CA2: variants seen among roughly 807,000 people sequenced by gnomAD.
CA2 encodes carbonic anhydrase 2, also known as carbonate dehydratase II.
In CA2, 23 loss-of-function variants were observed where a neutral mutation model predicts 27.8. The observed-to-expected ratio is 0.83, with a 90% CI of 0.59 to 1.17. The LOEUF is 1.17. Among genes scored for constraint, CA2 ranks in the 50% most tolerant of loss-of-function variants. The probability of loss-of-function intolerance (pLI) is 0.00; values close to 1 mark genes in which losing one functional copy is unlikely to be tolerated. For synonymous variants in CA2, 99 were observed against 114.9 expected, an observed-to-expected ratio of 0.86 and a Z score of 0.88; for missense variants, 300 against 314.7, an observed-to-expected ratio of 0.95 and a Z score of 0.35.
chr8:85,467,915 G>C lies in CA2; in HGVS notation c.232+2446G>C, dbSNP rs531139312. On this transcript the variant is annotated intron_variant, in intron 2 of 6. Transcript: ENST00000285379. ...TAGAGACACATGTATTATCCACCTAGTTCTACAAAAAAGTCATTATTAACA... is the reference window on the plus strand; with the variant it reads ...TAGAGACACATGTATTATCCACCTACTTCTACAAAAAAGTCATTATTAACA... 1.4e-4 allele frequency among the ~76,000 whole-genome samples: 22 copies of C among 152,278 alleles called. 1 individual carries two copies. In the South Asian group the frequency reaches 3.1e-3, roughly 21 times the overall value.
At chr8:85,468,800 A>AC (rs3070373) in intron 2 of CA2, among the ~76,000 whole-genome samples, 4 of 151,268 alleles carry the variant, frequency 2.6e-5, no homozygotes, top group African/African-American at 7.3e-5. Context: ...ACACACACAC[A>AC]AAACCATGTG....
intron 6 of CA2, among the ~76,000 whole-genome samples, chr8:85,477,516 A>G (rs1384682266): frequency 2.0e-5 from 3 of 151,048 alleles, no homozygotes; most frequent in Non-Finnish European, 4.4e-5. Context: ...GGATTCAATG[A>G]GAAAGATGTC....
At chr8:85,470,944 A>T (rs1178829404) in intron 2 of CA2, among the ~76,000 whole-genome samples, 1 of 152,174 alleles carries the variant, frequency 6.6e-6, no homozygotes, top group Non-Finnish European at 1.5e-5. Context: ...TTTACAGAGA[A>T]AAAATAGGCA....
intron 5 of CA2, among the ~76,000 whole-genome samples, chr8:85,476,149 G>T (rs1194834243): frequency 6.6e-6 from 1 of 152,124 alleles, no homozygotes; most frequent in Non-Finnish European, 1.5e-5. Flanking sequence ...GAGGTTCAAA[G>T]GTCCTCTAGT....
intron 2 of CA2, 127 bp from the exon 3 acceptor site, chr8:85,473,566 C>T (rs1811740174): frequency 1.4e-6 from 1 of 701,810 alleles, no homozygotes; most frequent in South Asian, 1.5e-5. Context: ...TACTGTAAAA[C>T]AGAATTAAGA....
chr8:85,478,383 C>T (rs2130566185), intron 6 of CA2, among the ~76,000 whole-genome samples: 1 of 152,252 alleles, frequency 6.6e-6, no homozygotes, highest in Non-Finnish European at 1.5e-5. Context: ...GTAGTAATAA[C>T]ATATTTGAGT....
intron 2 of CA2, among the ~76,000 whole-genome samples, chr8:85,466,612 A>G (rs2130546264): frequency 6.6e-6 from 1 of 152,128 alleles, no homozygotes; most frequent in African/African-American, 2.4e-5. Context: ...ATCATCTGAG[A>G]AATGTTTTCA....
At position 85,480,904 on chromosome 8, in the gene CA2, C is replaced by G. The variant is rs919729440; in HGVS notation, c.*115C>G. The G allele has an allele frequency of 3.9e-6, 4 of 1,031,848 alleles. No individual in the cohort carries two copies. The highest frequency in any genetic ancestry group is 5.9e-6 in the Non-Finnish European group (4 of 672,398). The allele number at this position is 1,031,848 out of a possible 1,614,324, so 63.9% of individuals were successfully genotyped here. ...TTGCTTTGTGTCTAGTTTTCTAGAC[C>G]CTTCATCTCTTACTTGATAGACTTA... On this transcript the variant is annotated 3_prime_UTR_variant, in exon 7 of 7. Coordinates refer to ENST00000285379, the MANE Select transcript of CA2 (RefSeq NM_000067.3).
At chr8:85,480,001 T>C (rs1052086357) in intron 6 of CA2, among the ~76,000 whole-genome samples, 3 of 152,144 alleles carry the variant, frequency 2.0e-5, no homozygotes, top group Non-Finnish European at 4.4e-5. Context: ...AAGCTTTAAT[T>C]TGGAACTAAA....
At chr8:85,468,767 C>T (rs1274950061) in intron 2 of CA2, among the ~76,000 whole-genome samples, 2 of 149,894 alleles carry the variant, frequency 1.3e-5, no homozygotes, top group African/African-American at 5.0e-5. Context: ...TCAAAACAAA[C>T]AAACAAACAA....
chr8:85,479,551 G>A (rs1008555669), intron 6 of CA2, among the ~76,000 whole-genome samples: 3 of 152,062 alleles, frequency 2.0e-5, no homozygotes, highest in Admixed American at 1.3e-4. Flanking sequence ...TTTGGATCAC[G>A]TCTTGGTTAG....
At chr8:85,473,918 C>G in intron 3 of CA2, 107 bp downstream of exon 3, 1 of 769,192 alleles carries the variant, frequency 1.3e-6, no homozygotes, top group Admixed American at 1.9e-5. Flanking sequence ...CCCAGTGAAC[C>G]ACTTCTTTTA....
chr8:85,464,238 G>A (rs1020698239), intron 1 of CA2, 123 bp downstream of exon 1: 4 of 923,106 alleles, frequency 4.3e-6, no homozygotes, highest in African/African-American at 1.8e-5. Context: ...CGCGGCCGCG[G>A]GGAGTGCTGG....
chr8:85,465,077 G>T (rs1415828293), intron 1 of CA2, among the ~76,000 whole-genome samples, 195 bp from the exon 2 acceptor site: 1 of 152,216 alleles, frequency 6.6e-6, no homozygotes, highest in East Asian at 1.9e-4. Flanking sequence ...CTATGAGGTA[G>T]ATTTCTAATT....
intron 2 of CA2, among the ~76,000 whole-genome samples, chr8:85,467,423 T>C (rs1320736732): frequency 1.3e-5 from 2 of 152,182 alleles, no homozygotes; most frequent in Non-Finnish European, 2.9e-5. Flanking sequence ...GGACAGTATA[T>C]GTAAAGCCCC....
chr8:85,468,901 CTA>C (rs1331619863), intron 2 of CA2, among the ~76,000 whole-genome samples: 3 of 151,544 alleles, frequency 2.0e-5, no homozygotes, highest in Non-Finnish European at 4.4e-5. Flanking sequence ...TAGAGATACT[CTA>C]GTTAAACTCA....
At chr8:85,473,907 G>A (rs954007383) in intron 3 of CA2, 96 bp downstream of exon 3, 9 of 804,908 alleles carry the variant, frequency 1.1e-5, no homozygotes, top group African/African-American at 5.1e-5. Context: ...TTCAACTCAC[G>A]CCCAGTGAAC....
At chr8:85,479,018 C>G (rs757909905) in intron 6 of CA2, among the ~76,000 whole-genome samples, 30 of 152,226 alleles carry the variant, frequency 2.0e-4, no homozygotes, top group Non-Finnish European at 3.7e-4. Flanking sequence ...GTCCCTAGCC[C>G]GGGAATGTGA....
chr8:85,476,386 C>A (rs375515941), intron 5 of CA2, among the ~76,000 whole-genome samples: 1 of 152,136 alleles, frequency 6.6e-6, no homozygotes, highest in Non-Finnish European at 1.5e-5. Flanking sequence ...CAGTCACTTC[C>A]GGTGATGGGG....
Sources: allele counts gnomAD v4.1 joint callset (sites outside exome capture counted in the v4.1 genomes callset), GRCh38; gene constraint gnomAD v4.1.1; transcripts MANE v1.5; gene names NCBI Gene and HGNC (gene_info 2026-07-23, HGNC 2026-07-21).